Variants in IL7 observed in about 807,000 individuals in gnomAD.
IL7 encodes the protein interleukin-7.
IL7 carries 3 observed loss-of-function variants against 21.6 expected under a neutral mutation model. The ratio of observed to expected loss-of-function variants is 0.14; its 90% confidence interval spans 0.06 to 0.36. The LOEUF is 0.36. IL7 is among the 10% of genes least tolerant of loss of function. The pLI, the probability that IL7 is intolerant of heterozygous loss-of-function variation, is 1.00. For synonymous variants in IL7, 62 were observed against 68.1 expected (o/e 0.91, Z 0.44); for missense variants, 175 against 200.2 (o/e 0.87, Z 0.76).
chr8:78,777,239 T>C (rs1813162957), intron 2 of IL7, among the ~76,000 whole-genome samples: 1 of 152,074 alleles, frequency 6.6e-6, no homozygotes, highest in Admixed American at 6.6e-5. Context: ...GTAATTTTCA[T>C]AAAATAGCTA....
chr8:78,803,941 A>G (rs946688202), intron 1 of IL7, among the ~76,000 whole-genome samples: 1 of 152,116 alleles, frequency 6.6e-6, no homozygotes, highest in Non-Finnish European at 1.5e-5. Flanking sequence ...CCATCAAAAG[A>G]AAGAGCAGTC....
chr8:78,760,105 A>C, intron 2 of IL7: 1 of 1,486,914 alleles, frequency 6.7e-7, no homozygotes, highest in Non-Finnish European at 8.9e-7. Context: ...TTTACTTCCA[A>C]ATATCAAATA....
chr8:78,805,033 G>T lies in IL7; in HGVS notation c.-111C>A. 1 of 1,206,832 alleles carries T rather than the reference G, an allele frequency of 8.3e-7. No individual in the cohort carries two copies. The highest frequency in any genetic ancestry group is 1.2e-6 in the Non-Finnish European group (1 of 851,742). The allele number at this position is 1,206,832 out of a possible 1,614,324, so 74.8% of individuals were successfully genotyped here. A position where few individuals can be genotyped will look rare whatever the true frequency, so the allele number is the denominator to read the frequency against. ...GGTCTTCCGCGGAGTTGCCGAGTCT[G>T]TGTTGGGCAGGGTGATCTCTGCAGC... On this transcript the variant is annotated 5_prime_UTR_variant, in exon 1 of 6. Coordinates refer to ENST00000263851, the MANE Select transcript of IL7 (RefSeq NM_000880.4).
chr8:78,748,519 T>C (rs62519006), intron 2 of IL7, among the ~76,000 whole-genome samples: 7,925 of 152,196 alleles, frequency 0.052, 294 homozygotes, highest in Middle Eastern at 0.088. Context: ...TTACAATGGG[T>C]TTACATTCCA....
At chr8:78,747,893 T>TA in intron 2 of IL7, among the ~76,000 whole-genome samples, 1 of 152,294 alleles carries the variant, frequency 6.6e-6, no homozygotes, top group East Asian at 1.9e-4. Context: ...AGATTTTACT[T>TA]AAAAACCTCA....
chr8:78,745,776 T>C (rs2130714002), intron 2 of IL7, among the ~76,000 whole-genome samples: 1 of 152,332 alleles, frequency 6.6e-6, no homozygotes, highest in South Asian at 2.1e-4. Context: ...TACCAAAAAT[T>C]TGGAGGCTCA....
Position 78,733,693 on chromosome 8 carries a change from A to G in IL7, c.*20T>C, listed in dbSNP as rs1186695016. Reference sequence around the variant, plus strand: ...GGATGCAGCTAAAGTTCGTGTTTCTATATTGCCACTCCATATTTTTCAGTG... The same window carrying G: ...GGATGCAGCTAAAGTTCGTGTTTCTGTATTGCCACTCCATATTTTTCAGTG... On this transcript the variant is annotated 3_prime_UTR_variant, in exon 6 of 6. Transcript: ENST00000263851. 11 of 1,592,924 alleles carry G rather than the reference A, an allele frequency of 6.9e-6. No homozygotes were observed. The highest frequency in any genetic ancestry group is 1.8e-5 in the Admixed American group (1 of 55,596).
intron 2 of IL7, among the ~76,000 whole-genome samples, chr8:78,773,000 T>C (rs954902354): frequency 1.3e-5 from 2 of 152,182 alleles, no homozygotes; most frequent in Non-Finnish European, 2.9e-5. Context: ...ATAATGACCA[T>C]TTACTTAACA....
rs1563444553 is a variant in IL7 at position 78,805,198 on chromosome 8, C to A, written c.-276G>T. 4 of 395,958 alleles carry A rather than the reference C, an allele frequency of 1.0e-5. No individual in the cohort carries two copies. Among genetic ancestry groups the A allele is most frequent in the Non-Finnish European group, 1.4e-5 (3 of 219,748 alleles). 24.5% of individuals were successfully genotyped at this position (395,958 alleles called of 1,614,324 possible). A position where few individuals can be genotyped will look rare whatever the true frequency, so the allele number is the denominator to read the frequency against. On this transcript the variant is annotated 5_prime_UTR_variant, in exon 1 of 6. Transcript: ENST00000263851. ...CAGTGTACTTTCAGTTTCTACTTTG[C>A]GCTTGGTCTGCAGGTTCAATCTTTG...
intron 3 of IL7, among the ~76,000 whole-genome samples, chr8:78,688,157 C>T (rs1031318360): frequency 6.6e-6 from 1 of 151,514 alleles, no homozygotes; most frequent in East Asian, 1.9e-4. Context: ...TTTAACTGAT[C>T]CTGGGCCTCT....
At position 78,782,860 on chromosome 8, in the gene IL7, C is replaced by T. The variant is rs150007156; in HGVS notation, c.147+15212G>A. 7.2e-3 allele frequency among the ~76,000 whole-genome samples: 1,103 copies of T among 152,242 alleles called. 14 individuals carry two copies. The highest frequency in any genetic ancestry group is 0.025 in the African/African-American group (1,047 of 41,552). ...GCTCCATCCCAGGGGTATCAGAGCT[C>T]TGTCCGTAAACCCCTGGCTGGAGAT... On this transcript the variant is annotated intron_variant, in intron 2 of 5. Transcript: ENST00000263851.
In IL7 at chr8:78,798,131, C is replaced by T. The variant is rs1420660002; in HGVS notation, c.88G>A (p.Glu30Lys). ...LPVASSDCDI[E>K]GKDGKQYESV... is the part of the protein sequence containing the mutation. ...TCATATTGTTTGCCATCTTTACCTT[C>T]AATATCACAATCAGATGATGCTACT... Residue 30 changes from glutamate to lysine, a missense_variant, in exon 2 of 6, where the codon GAA becomes AAA. Physicochemically the swap from Glu to Lys is moderately conservative, Grantham distance 56 (BLOSUM62 1). Coordinates refer to ENST00000263851, the MANE Select transcript of IL7 (RefSeq NM_000880.4). The T allele has an allele frequency of 1.2e-6, 2 of 1,610,914 alleles. No individual in the cohort carries two copies. The highest frequency in any genetic ancestry group is 2.7e-5 in the African/African-American group (2 of 74,782).
intron 2 of IL7, among the ~76,000 whole-genome samples, chr8:78,742,940 C>T (rs777188452): frequency 6.6e-6 from 1 of 152,130 alleles, no homozygotes; most frequent in Non-Finnish European, 1.5e-5. Flanking sequence ...TCCATGTGTT[C>T]TGATCATTTA....
chr8:78,752,919 T>G (rs908136190), intron 2 of IL7, among the ~76,000 whole-genome samples: 1 of 152,140 alleles, frequency 6.6e-6, no homozygotes, highest in South Asian at 2.1e-4. Context: ...GCAAAGGACA[T>G]GAACTCATTA....
chr8:78,729,423 T>C (rs1811385660), downstream of IL7, among the ~76,000 whole-genome samples: 1 of 152,042 alleles, frequency 6.6e-6, no homozygotes, highest in South Asian at 2.1e-4. Context: ...CGTTGGAGCT[T>C]CAGTAAACCC....
At chr8:78,686,205 G>A (rs1308976387) in intron 3 of IL7, among the ~76,000 whole-genome samples, 1 of 152,098 alleles carries the variant, frequency 6.6e-6, no homozygotes, top group African/African-American at 2.4e-5. Context: ...GTCTTAGTGG[G>A]AGGATAAATA....
rs564514531 is a variant in IL7, at chr8:78,805,059, T to C, written c.-137A>G. 3.7e-5 allele frequency: 33 copies of C among 886,474 alleles called. No homozygotes were observed. The South Asian group carries it at 5.6e-4, about 15-fold the overall frequency. The allele number at this position is 886,474 out of a possible 1,614,324, so 54.9% of individuals were successfully genotyped here. On this transcript the variant is annotated 5_prime_UTR_variant, in exon 1 of 6. Coordinates refer to ENST00000263851, the MANE Select transcript of IL7 (RefSeq NM_000880.4). ...TGTTGGGCAGGGTGATCTCTGCAGC[T>C]GGTTCCTCTTACCCACGCCGCGACT... is the stretch of plus-strand genomic sequence containing the variant.
chr8:78,717,377 A>G (rs750862330), downstream of IL7: 6 of 1,613,750 alleles, frequency 3.7e-6, no homozygotes, highest in South Asian at 3.3e-5. Flanking sequence ...TATTAAAGGC[A>G]TTGAAGGACA....
chr8:78,716,296 TG>T (rs1460571475), downstream of IL7, among the ~76,000 whole-genome samples: 3 of 151,508 alleles, frequency 2.0e-5, no homozygotes, highest in African/African-American at 7.3e-5. Context: ...CTAATTTTTT[TG>T]TATTTTTATT....
Sources: gnomAD v4.1 joint callset for allele counts (sites outside exome capture counted in the v4.1 genomes callset) on GRCh38, gnomAD v4.1.1 for gene constraint, MANE v1.5 for transcripts, NCBI Gene and HGNC (gene_info 2026-07-23, HGNC 2026-07-21) for gene names.